Variants in SMARCA4 observed in about 807,000 individuals in gnomAD.
SMARCA4 encodes the protein SWI/SNF-related matrix-associated actin-dependent regulator of chromatin subfamily A member 4.
In SMARCA4, 31 loss-of-function variants were observed where a neutral mutation model predicts 193.9. The observed-to-expected ratio is 0.16, with a 90% CI of 0.12 to 0.22. The LOEUF is 0.22. Among genes scored for constraint, SMARCA4 ranks in the 10% least tolerant of loss-of-function variants. The pLI, the probability that SMARCA4 is intolerant of heterozygous loss-of-function variation, is 1.00. For missense variants in SMARCA4, 1,148 were observed against 2,296.0 expected, an observed-to-expected ratio of 0.50 and a Z score of 10.22; for synonymous variants, 942 against 933.1, an observed-to-expected ratio of 1.01 and a Z score of -0.17.
intron 34 of SMARCA4, among the ~76,000 whole-genome samples, chr19:11,060,809 G>A (rs2076821696): frequency 6.6e-6 from 1 of 152,212 alleles, no homozygotes; most frequent in South Asian, 2.1e-4. Context: ...CCTGGCTCCC[G>A]CTGAAGCCCA....
intron 30 of SMARCA4, among the ~76,000 whole-genome samples, chr19:11,051,594 A>G (rs1301754403): frequency 2.7e-5 from 4 of 150,568 alleles, no homozygotes; most frequent in East Asian, 2.0e-4. Flanking sequence ...GGGTTCAAGC[A>G]ATTCTCCTGT....
In SMARCA4 at chr19:11,030,685, C is replaced by G. The variant is rs1168912270; in HGVS notation, c.3383-45C>G. ...GTGTTCCTTGGTGTCCCCACTCTACCCCTGAGGTCACCCCGCTGACCCTGT... is the reference window on the plus strand; with the variant it reads ...GTGTTCCTTGGTGTCCCCACTCTACGCCTGAGGTCACCCCGCTGACCCTGT... On this transcript the variant is annotated intron_variant, in intron 24 of 34. Transcript: ENST00000344626. The surrounding 1 kb of genome is among the most constrained non-coding windows in gnomAD (Gnocchi z 5.5). 5 of 1,577,088 alleles carry G rather than the reference C, an allele frequency of 3.2e-6. No individual in the cohort carries two copies. The African/African-American group carries it at 6.7e-5, about 21-fold the overall frequency.
chr19:11,002,565 G>A (rs551528367), intron 11 of SMARCA4, among the ~76,000 whole-genome samples: 7 of 152,294 alleles, frequency 4.6e-5, no homozygotes, highest in Admixed American at 2.6e-4. Context: ...GGGAGGCCAA[G>A]GCGGGTGGAT....
At chr19:10,972,497 A>G (rs1239990307) in intron 1 of SMARCA4, among the ~76,000 whole-genome samples, 3 of 151,632 alleles carry the variant, frequency 2.0e-5, no homozygotes, top group South Asian at 2.1e-4. Context: ...TCCTCCAGGT[A>G]GGAATTGTGT....
intron 1 of SMARCA4, among the ~76,000 whole-genome samples, chr19:10,979,363 A>G (rs1017034949): frequency 6.6e-6 from 1 of 150,778 alleles, no homozygotes; most frequent in African/African-American, 2.4e-5. Context: ...GAATGCTCAC[A>G]TAAAAAGAAC....
At chr19:11,049,114 A>G (rs2076112016) in intron 30 of SMARCA4, among the ~76,000 whole-genome samples, 3 of 152,136 alleles carry the variant, frequency 2.0e-5, no homozygotes. Context: ...CCACGTAAGC[A>G]GAACAGGAAG....
chr19:10,971,668 G>A (rs1353899976), intron 1 of SMARCA4, among the ~76,000 whole-genome samples: 1 of 151,796 alleles, frequency 6.6e-6, no homozygotes, highest in Non-Finnish European at 1.5e-5. Flanking sequence ...AGGTTTCACC[G>A]TGTTGCCCAG....
intron 30 of SMARCA4, among the ~76,000 whole-genome samples, chr19:11,042,252 G>C (rs1482251453): frequency 6.6e-6 from 1 of 152,162 alleles, no homozygotes; most frequent in Admixed American, 6.5e-5. Flanking sequence ...CCATTTATAT[G>C]TTTTTCATTT....
At chr19:11,010,313 T>G (rs2146229171) in intron 14 of SMARCA4, 68 bp from the exon 15 acceptor site, 1 of 1,558,618 alleles carries the variant, frequency 6.4e-7, no homozygotes, top group Admixed American at 1.7e-5. Flanking sequence ...AGAGCTTGTG[T>G]CAGGAGCCAG....
intron 11 of SMARCA4, among the ~76,000 whole-genome samples, chr19:11,001,123 T>C (rs987308932): frequency 1.6e-4 from 24 of 152,146 alleles, no homozygotes; most frequent in Admixed American, 4.6e-4. Flanking sequence ...GATGAGGTCA[T>C]GGCTCACCGC....
intron 19 of SMARCA4, 113 bp downstream of exon 19, chr19:11,022,080 G>A: frequency 6.6e-7 from 1 of 1,508,570 alleles, no homozygotes; most frequent in Non-Finnish European, 9.1e-7. Flanking sequence ...GGTGCCTGGT[G>A]AGAGTCTGCA....
At chr19:10,992,441 T>TTTTTTG (rs2086641000) in intron 8 of SMARCA4, among the ~76,000 whole-genome samples, 1 of 147,212 alleles carries the variant, frequency 6.8e-6, no homozygotes. Context: ...TTTTTTTTTT[T>TTTTTTG]GAGATGGAGT....
intron 12 of SMARCA4, 42 bp from the exon 13 acceptor site, chr19:11,003,298 G>C: frequency 6.2e-7 from 1 of 1,604,050 alleles, no homozygotes; most frequent in Non-Finnish European, 8.5e-7. Context: ...AATTCTGCTG[G>C]CTCTGAGCAG....
intron 14 of SMARCA4, 124 bp from the exon 15 acceptor site, chr19:11,010,257 C>T (rs1328719895): frequency 9.0e-7 from 1 of 1,112,206 alleles, no homozygotes; most frequent in Non-Finnish European, 1.4e-6. Context: ...CTCTATGTGT[C>T]TTACAGTGCT....
At chr19:11,024,195 T>C in intron 20 of SMARCA4, 136 bp from the exon 21 acceptor site, 1 of 711,410 alleles carries the variant, frequency 1.4e-6, no homozygotes, top group Non-Finnish European at 2.6e-6. Flanking sequence ...GCTGTGAGGG[T>C]CTCCTCACCC....
intron 8 of SMARCA4, 87 bp downstream of exon 8, chr19:10,991,410 TG>T: frequency 6.5e-7 from 1 of 1,542,120 alleles, no homozygotes; most frequent in Non-Finnish European, 8.7e-7. Flanking sequence ...GTGTTTGCTT[TG>T]TTCCTAAACA....
intron 30 of SMARCA4, among the ~76,000 whole-genome samples, chr19:11,046,083 C>T (rs1226979863): frequency 1.3e-5 from 2 of 152,082 alleles, no homozygotes; most frequent in Non-Finnish European, 2.9e-5. Flanking sequence ...ATTAGCCAGG[C>T]GTGGTGGCGG....
chr19:11,004,071 C>T (rs2087925894), intron 13 of SMARCA4, among the ~76,000 whole-genome samples: 1 of 151,816 alleles, frequency 6.6e-6, no homozygotes, highest in Non-Finnish European at 1.5e-5. Context: ...GGCTGGAGTG[C>T]AGTGGCGCGA....
chr19:10,987,567 C>T lies in SMARCA4; in HGVS notation c.860-99C>T, dbSNP rs886720238. 5.0e-6 allele frequency: 7 copies of T among 1,411,960 alleles called. No homozygotes were observed. Among genetic ancestry groups the T allele is most frequent in the Admixed American group, 1.7e-5 (1 of 58,422 alleles). The allele number at this position is 1,411,960 out of a possible 1,614,324, so 87.5% of individuals were successfully genotyped here. A position where few individuals can be genotyped will look rare whatever the true frequency, so the allele number is the denominator to read the frequency against. On this transcript the variant is annotated intron_variant, in intron 5 of 34. Coordinates refer to ENST00000344626, the MANE Select transcript of SMARCA4 (RefSeq NM_003072.5). This position sits in a 1 kb window ranked among gnomAD's most constrained non-coding sequence, Gnocchi z 5.3. ...AAGGTGGGAGATGGGCGGGGTCTGC[C>T]TGTCCCCAGTGCCTCAAGCAGCTCA...
Sources: allele counts gnomAD v4.1 joint callset (sites outside exome capture counted in the v4.1 genomes callset), GRCh38; gene constraint gnomAD v4.1.1; non-coding constraint Gnocchi (gnomAD v3.1); transcripts MANE v1.5; gene names NCBI Gene and HGNC (gene_info 2026-07-23, HGNC 2026-07-21).